SELE: variants seen among roughly 807,000 people sequenced by gnomAD.
SELE encodes selectin E, also known as E-selectin.
SELE carries 52 observed loss-of-function variants against 75.8 expected under a neutral mutation model. The ratio of observed to expected loss-of-function variants is 0.69; its 90% confidence interval spans 0.55 to 0.86. The LOEUF is 0.86. Ranked by LOEUF, SELE falls within the 40% of genes least tolerant of loss-of-function variation. The pLI is 0.00. For synonymous variants in SELE, 285 were observed against 258.7 expected, an observed-to-expected ratio of 1.10 and a Z score of -0.98; for missense variants, 754 against 732.7, an observed-to-expected ratio of 1.03 and a Z score of -0.34.
rs941803477 is a variant in SELE at position 169,723,448 on chromosome 1, C to T, written c.*1077G>A. 4 of 152,212 alleles carry T rather than the reference C, an allele frequency of 2.6e-5. No homozygotes were observed. Among genetic ancestry groups the T allele is most frequent in the African/African-American group, 9.6e-5 (4 of 41,454 alleles). The allele number at this position is 152,212 out of a possible 1,614,324, so 9.4% of individuals were successfully genotyped here. A position where few individuals can be genotyped will look rare whatever the true frequency, so the allele number is the denominator to read the frequency against. On this transcript the variant is annotated 3_prime_UTR_variant, in exon 14 of 14. Transcript: ENST00000333360. ...TTTCTGTATTCTTTTCCAACAAAGA[C>T]ATTCATAAAATTATACCTTTGTGTG...
rs1429477382 is a variant in SELE at position 169,728,209 on chromosome 1, G to T, written c.1128C>A (p.Gly376=). Residue 376 remains glycine, a synonymous_variant, in exon 8 of 14, where the codon GGC becomes GGA. Coordinates refer to ENST00000333360, the MANE Select transcript of SELE (RefSeq NM_000450.2). The part of the protein sequence containing the change: ...QCTALSNPER[G]YMNCLPSASG... ...AAGCACTAGGAAGACAATTCATGTA[G>T]CCTCGCTCGGGGTTGGACAAGGCTG... The T allele has an allele frequency of 6.8e-6, 11 of 1,614,122 alleles. No homozygotes were observed. The highest frequency in any genetic ancestry group is 8.5e-6 in the Non-Finnish European group (10 of 1,180,002).
intron 7 of SELE, 22 bp downstream of exon 7, chr1:169,729,164 A>G (rs775036982): frequency 6.4e-7 from 1 of 1,568,110 alleles, no homozygotes; most frequent in South Asian, 1.2e-5. Flanking sequence ...AGAAAGTATA[A>G]ATCGAAGGAT....
rs1257314786 is a variant in SELE at position 169,726,602 on chromosome 1, A to T, written c.1753+97T>A. On this transcript the variant is annotated intron_variant, in intron 11 of 13. Coordinates refer to ENST00000333360, the MANE Select transcript of SELE (RefSeq NM_000450.2). Reference sequence around the variant, plus strand: ...TATACTGCATTTTATCCAGATTCTAATTATTGTTTAAATCAGTAAGCAAGA... The same window carrying T: ...TATACTGCATTTTATCCAGATTCTATTTATTGTTTAAATCAGTAAGCAAGA... 9.3e-6 allele frequency: 8 copies of T among 858,002 alleles called. No homozygotes were observed. In the East Asian group the frequency reaches 1.9e-4, roughly 20 times the overall value. 53.1% of individuals were successfully genotyped at this position (858,002 alleles called of 1,614,324 possible). A position where few individuals can be genotyped will look rare whatever the true frequency, so the allele number is the denominator to read the frequency against.
chr1:169,727,947 A>T lies in SELE; in HGVS notation c.1280-20T>A, dbSNP rs201303025. 5.6e-6 allele frequency: 9 copies of T among 1,602,204 alleles called. No homozygotes were observed. The African/African-American group carries it at 8.0e-5, about 14-fold the overall frequency. ...TCACAGCTGGAACACACGAGAGAGC[A>T]CTTTAGAAGTTTGTTTGCATCTCCA... On this transcript the variant is annotated intron_variant, in intron 8 of 13. Transcript: ENST00000333360.
At chr1:169,725,680 T>C (rs960873499) in intron 13 of SELE, 49 bp downstream of exon 13, 2 of 1,466,184 alleles carry the variant, frequency 1.4e-6, no homozygotes, top group African/African-American at 2.8e-5. Context: ...AAACAGAGCA[T>C]GTAGAGAAGA....
chr1:169,729,714 G>A (rs749290986), intron 5 of SELE, 41 bp from the exon 6 acceptor site: 2 of 1,597,172 alleles, frequency 1.3e-6, no homozygotes, highest in Non-Finnish European at 1.7e-6. Flanking sequence ...ACAGAAGAAT[G>A]ATCTTTTCAC....
In SELE at chr1:169,731,946, C is replaced by T. The variant is rs991943801; in HGVS notation, c.422-4G>A. 1.4e-5 allele frequency: 23 copies of T among 1,593,704 alleles called. No individual in the cohort carries two copies. The highest frequency in any genetic ancestry group is 5.5e-5 in the South Asian group (5 of 90,598). ...CAGGATGTATTGGTACAGGCAGCTA[C>T]GGAAAATACAAAGCATGATGAGGAG... On this transcript the variant is annotated splice_region_variant and splice_polypyrimidine_tract_variant and intron_variant, in intron 3 of 13. Coordinates refer to ENST00000333360, the MANE Select transcript of SELE (RefSeq NM_000450.2).
At position 169,731,943 on chromosome 1, in the gene SELE, C is replaced by A. The variant is rs1648922761; in HGVS notation, c.422-1G>T. On this transcript the variant is annotated splice_acceptor_variant, in intron 3 of 13. Transcript: ENST00000333360. LOFTEE classifies it high-confidence loss of function. ...CTGCAGGATGTATTGGTACAGGCAG[C>A]TACGGAAAATACAAAGCATGATGAG... The A allele has an allele frequency of 1.2e-6, 2 of 1,602,438 alleles. No individual in the cohort carries two copies. Among genetic ancestry groups the A allele is most frequent in the Non-Finnish European group, 8.5e-7 (1 of 1,169,632 alleles).
At chr1:169,727,219 T>C in intron 10 of SELE, 130 bp downstream of exon 10, 2 of 952,466 alleles carry the variant, frequency 2.1e-6, no homozygotes, top group Non-Finnish European at 3.1e-6. Flanking sequence ...CCATACAACT[T>C]AATATTCACA....
At chr1:169,725,081 C>A (rs1648709312) in intron 13 of SELE, among the ~76,000 whole-genome samples, 1 of 152,090 alleles carries the variant, frequency 6.6e-6, no homozygotes, top group Admixed American at 6.6e-5. Context: ...TTTTCTTCAT[C>A]TGTGTGATAA....
rs139716081 is a variant in SELE at position 169,730,469 on chromosome 1, G to C, written c.678C>G (p.Ser226=). The C allele has an allele frequency of 4.3e-6, 7 of 1,614,018 alleles. No individual in the cohort carries two copies. The African/African-American group carries it at 8.0e-5, about 18-fold the overall frequency. ...PSSMETMQCM[S]SGEWSAPIPA... ...GAATAGGAGCACTCCATTCTCCAGA[G>C]GACATACACTGCATGGTCTCCATGC... The change falls in exon 5 of 14, where the codon TCC becomes TCG. Residue 226 remains serine (S), a synonymous_variant. Transcript: ENST00000333360.
chr1:169,733,569 G>T lies in SELE; in HGVS notation c.37+7C>A, dbSNP rs749524718. On this transcript the variant is annotated splice_region_variant and intron_variant, in intron 2 of 13. Transcript: ENST00000333360. ...TGAGAAATCTTGGTCTAATGGCACT[G>T]ACTTACCCAAAGTGAGAGCTGAGAG... 6.2e-7 allele frequency: 1 copy of T among 1,613,424 alleles called. No individual in the cohort carries two copies. Among genetic ancestry groups the T allele is most frequent in the Non-Finnish European group, 8.5e-7 (1 of 1,179,352 alleles).
Position 169,726,788 on chromosome 1 carries a change from A to G in SELE, c.1664T>C (p.Ile555Thr). The G allele has an allele frequency of 6.2e-7, 1 of 1,612,794 alleles. No individual in the cohort carries two copies. Among genetic ancestry groups the G allele is most frequent in the Non-Finnish European group, 8.5e-7 (1 of 1,179,050 alleles). ...PTCEAPTESN[I>T]PLVAGLSAAG... ...AGCAGAAAGTCCAGCTACCAAGGGA[A>G]TGTTGGACTCAGTGGGAGCTAAGGA... Residue 555 changes from isoleucine (I) to threonine (T), a missense_variant, in exon 11 of 14, where the codon ATT (isoleucine) becomes ACT (threonine). Transcript: ENST00000333360.
In SELE at chr1:169,733,647, C is replaced by G. The variant is rs369547007; in HGVS notation, c.-35G>C. On this transcript the variant is annotated 5_prime_UTR_variant, in exon 2 of 14. Coordinates refer to ENST00000333360, the MANE Select transcript of SELE (RefSeq NM_000450.2). ...AGTTCTTTTCACCCAAAGGTTTAGG[C>G]TTGAAATACTTTCCTGGGGAGATAA... The G allele has an allele frequency of 8.1e-5, 129 of 1,602,148 alleles. No individual in the cohort carries two copies. The highest frequency in any genetic ancestry group is 5.0e-4 in the Middle Eastern group (3 of 6,040).
chr1:169,732,958 G>C lies in SELE; in HGVS notation c.78C>G (p.Thr26=). 1 of 1,609,548 alleles carries C rather than the reference G, an allele frequency of 6.2e-7. No individual in the cohort carries two copies. Among genetic ancestry groups the C allele is most frequent in the Non-Finnish European group, 8.5e-7 (1 of 1,178,588 alleles). The change falls in exon 3 of 14, where the codon ACC becomes ACG. Residue 26 remains threonine, a synonymous_variant. Transcript: ENST00000333360. ...IKESGAWSYN[T]STEAMTYDEA... is the part of the protein sequence containing the mutation. ...CATCATAAGTCATAGCTTCCGTGGA[G>C]GTGTTGTAAGACCAGGCTCCACTCT...
chr1:169,723,634 A>G lies in SELE; in HGVS notation c.*891T>C, dbSNP rs1405745396. 1 of 152,250 alleles carries G rather than the reference A, an allele frequency of 6.6e-6. No homozygotes were observed. Among genetic ancestry groups the G allele is most frequent in the Non-Finnish European group, 1.5e-5 (1 of 68,036 alleles). The allele number at this position is 152,250 out of a possible 1,614,324, so 9.4% of individuals were successfully genotyped here. A position where few individuals can be genotyped will look rare whatever the true frequency, so the allele number is the denominator to read the frequency against. On this transcript the variant is annotated 3_prime_UTR_variant, in exon 14 of 14. Transcript: ENST00000333360. ...GTTTTCAAAAAACAACTGTAGTAAA[A>G]ACACTCAGAACTTTATTCTGGTTAA...
At position 169,725,827 on chromosome 1, in the gene SELE, T is replaced by A. The variant is rs774952738; in HGVS notation, c.1776-26A>T. The A allele has an allele frequency of 3.7e-6, 6 of 1,613,852 alleles. No individual in the cohort carries two copies. In the African/African-American group the frequency reaches 8.0e-5, roughly 22 times the overall value. ...CTGTGGAATACATGAGAACACTAGG[T>A]AAAGCACTGTCTTCCAACATGAAGA... On this transcript the variant is annotated intron_variant, in intron 12 of 13. Coordinates refer to ENST00000333360, the MANE Select transcript of SELE (RefSeq NM_000450.2).
intron 4 of SELE, chr1:169,731,615 A>G (rs3917411): frequency 6.4e-6 from 3 of 471,298 alleles, no homozygotes; most frequent in South Asian, 4.9e-5. Context: ...GAAAACTGAC[A>G]TAGAGAGTTA....
Position 169,722,694 on chromosome 1 carries a change from A to G in SELE, c.*1831T>C, listed in dbSNP as rs1648656772. 6.6e-6 allele frequency: 1 copy of G among 152,214 alleles called. No individual in the cohort carries two copies. The highest frequency in any genetic ancestry group is 6.5e-5 in the Admixed American group (1 of 15,278). The allele number at this position is 152,214 out of a possible 1,614,324, so 9.4% of individuals were successfully genotyped here. ...TATAGTGTTATGTCAAATAGGTCTG[A>G]CATAAGCTTAAATAAATATATACTT... On this transcript the variant is annotated 3_prime_UTR_variant, in exon 14 of 14. Transcript: ENST00000333360.
Sources: allele counts gnomAD v4.1 joint callset (sites outside exome capture counted in the v4.1 genomes callset), GRCh38; gene constraint gnomAD v4.1.1; transcripts MANE v1.5; gene names NCBI Gene and HGNC (gene_info 2026-07-23, HGNC 2026-07-21).